Variants in PDZD2 observed in about 807,000 individuals in gnomAD.
PDZD2 encodes PDZ domain containing 2, also known as PDZ domain-containing protein 2.
A neutral mutation model predicts 220.7 loss-of-function variants in PDZD2; 90 were observed. The observed-to-expected ratio is 0.41, with a 90% confidence interval of 0.34 to 0.49. The LOEUF is 0.49. Ranked by LOEUF, PDZD2 falls within the 20% of genes least tolerant of loss-of-function variation. PDZD2 has a pLI of 0.28. For synonymous variants in PDZD2, 1,375 were observed against 1,450.5 expected, an observed-to-expected ratio of 0.95 and a Z score of 1.18; for missense variants, 3,174 against 3,608.5, an observed-to-expected ratio of 0.88 and a Z score of 3.08.
chr5:31,919,482 G>T (rs1743997402), intron 2 of PDZD2, among the ~76,000 whole-genome samples: 1 of 151,892 alleles, frequency 6.6e-6, no homozygotes, highest in African/African-American at 2.4e-5. Flanking sequence ...TAGTAGCTAG[G>T]ATTACAGGCA....
intron 2 of PDZD2, among the ~76,000 whole-genome samples, chr5:31,978,210 C>CA (rs1749957064): frequency 6.6e-6 from 1 of 152,136 alleles, no homozygotes; most frequent in South Asian, 2.1e-4. Context: ...AGGAAGCCTT[C>CA]TGTTTTTCTA....
intron 6 of PDZD2, among the ~76,000 whole-genome samples, chr5:32,017,043 A>G (rs1446405951): frequency 3.9e-5 from 6 of 152,046 alleles, no homozygotes; most frequent in African/African-American, 1.4e-4. Context: ...CAGATGGGGG[A>G]TGGTTGGTGT....
chr5:31,887,287 AT>A, intron 2 of PDZD2, among the ~76,000 whole-genome samples: 1 of 152,304 alleles, frequency 6.6e-6, no homozygotes, highest in African/African-American at 2.4e-5. Flanking sequence ...TGTAGTGTGA[AT>A]GGAGAGGCAG....
chr5:31,920,802 C>CAGGG, intron 2 of PDZD2, among the ~76,000 whole-genome samples: 1 of 152,262 alleles, frequency 6.6e-6, no homozygotes, highest in Non-Finnish European at 1.5e-5. Flanking sequence ...ACTTGGCACC[C>CAGGG]AGGGATCTTC....
At position 31,782,652 on chromosome 5, in the gene PDZD2, T is replaced by G. The variant is rs117799766; in HGVS notation, c.-360-16237T>G. Reference sequence around the variant, plus strand: ...GGATTGGATCTGGATCTAGCGTATCTTTAAGAAGCCCAGATGATTCTGGGG... The same window carrying G: ...GGATTGGATCTGGATCTAGCGTATCGTTAAGAAGCCCAGATGATTCTGGGG... On this transcript the variant is annotated intron_variant, in intron 1 of 24. Coordinates refer to ENST00000438447, the MANE Select transcript of PDZD2 (RefSeq NM_178140.4). Among the ~76,000 whole-genome samples the G allele has an allele frequency of 1.9e-4, 29 of 152,012 alleles. No individual in the cohort carries two copies. The East Asian group carries it at 5.4e-3, about 28-fold the overall frequency.
intron 2 of PDZD2, among the ~76,000 whole-genome samples, chr5:31,814,886 C>T (rs189620281): frequency 4.1e-4 from 63 of 151,896 alleles, no homozygotes; most frequent in Admixed American, 1.2e-3. Flanking sequence ...TTAAGATAGG[C>T]GGTTGTGCAG....
At chr5:32,006,681 CTTTTTTTT>C (rs76703572) in intron 5 of PDZD2, among the ~76,000 whole-genome samples, 21 of 116,676 alleles carry the variant, frequency 1.8e-4, no homozygotes, top group African/African-American at 9.0e-4. Flanking sequence ...GGCTCAACAC[CTTTTTTTT>C]TTTTTTTTTT....
At chr5:32,054,404 G>A (rs1738901674) in intron 10 of PDZD2, among the ~76,000 whole-genome samples, 1 of 137,324 alleles carries the variant, frequency 7.3e-6, no homozygotes, top group African/African-American at 2.7e-5. Context: ...GCTCACTGCA[G>A]CCTCAACCCC....
chr5:31,805,139 G>C (rs1405177405), intron 2 of PDZD2, among the ~76,000 whole-genome samples: 1 of 152,204 alleles, frequency 6.6e-6, no homozygotes, highest in African/African-American at 2.4e-5. Context: ...ATGTTGCAGT[G>C]AGCCTAGATT....
At chr5:31,940,219 T>G (rs1403550385) in intron 2 of PDZD2, among the ~76,000 whole-genome samples, 1 of 152,180 alleles carries the variant, frequency 6.6e-6, no homozygotes, top group Non-Finnish European at 1.5e-5. Context: ...ACATTCTCCC[T>G]CCATGGACAT....
chr5:31,690,378 G>A (rs1435923096), intron 1 of PDZD2, among the ~76,000 whole-genome samples: 1 of 152,134 alleles, frequency 6.6e-6, no homozygotes, highest in African/African-American at 2.4e-5. Context: ...GGCAGATGAC[G>A]AGGATGATGG....
intron 5 of PDZD2, among the ~76,000 whole-genome samples, chr5:32,007,399 A>C (rs35872042): frequency 0.034 from 5,209 of 152,176 alleles, 126 homozygotes; most frequent in Middle Eastern, 0.065. Flanking sequence ...AAAAAAAAAA[A>C]AACACTCTTT....
At chr5:31,750,866 T>C (rs1750917133) in intron 1 of PDZD2, among the ~76,000 whole-genome samples, 1 of 152,060 alleles carries the variant, frequency 6.6e-6, no homozygotes, top group Non-Finnish European at 1.5e-5. Flanking sequence ...TCAGGGGTAA[T>C]GTTACGCAGC....
intron 2 of PDZD2, among the ~76,000 whole-genome samples, chr5:31,938,304 G>T (rs1268830446): frequency 1.3e-5 from 2 of 152,180 alleles, no homozygotes; most frequent in African/African-American, 2.4e-5. Flanking sequence ...AATTTGAATG[G>T]GCTCTTGTTT....
chr5:31,767,466 G>A (rs1331154198), intron 1 of PDZD2, among the ~76,000 whole-genome samples: 2 of 152,168 alleles, frequency 1.3e-5, no homozygotes, highest in Non-Finnish European at 2.9e-5. Context: ...GGCAGCTCTT[G>A]GAACTGTTTT....
chr5:32,100,787 T>TG (rs1744180962), intron 23 of PDZD2: 7 of 828,674 alleles, frequency 8.4e-6, no homozygotes, highest in Non-Finnish European at 9.1e-6. Context: ...ACAGCCGGTG[T>TG]GGGGGGCTTA....
chr5:31,941,767 C>T (rs1419268996), intron 2 of PDZD2, among the ~76,000 whole-genome samples: 1 of 152,120 alleles, frequency 6.6e-6, no homozygotes, highest in African/African-American at 2.4e-5. Flanking sequence ...ACATTTGTAA[C>T]GAGTTTGTTA....
intron 2 of PDZD2, among the ~76,000 whole-genome samples, chr5:31,828,675 T>A (rs533884327): frequency 5.3e-4 from 81 of 152,254 alleles, no homozygotes; most frequent in South Asian, 6.2e-4. Flanking sequence ...TTGTAAAAAA[T>A]TTTTTTGTAG....
At chr5:31,708,112 G>C (rs1747911801) in intron 1 of PDZD2, among the ~76,000 whole-genome samples, 3 of 152,200 alleles carry the variant, frequency 2.0e-5, no homozygotes, top group Admixed American at 2.0e-4. Flanking sequence ...CCATGTAGTT[G>C]AACCAATCAA....
Sources: gnomAD v4.1 joint callset for allele counts (sites outside exome capture counted in the v4.1 genomes callset) on GRCh38, gnomAD v4.1.1 for gene constraint, MANE v1.5 for transcripts, NCBI Gene and HGNC (gene_info 2026-07-23, HGNC 2026-07-21) for gene names.